The following SKAP2 variants were observed in gnomAD, a reference collection of about 807,000 sequenced individuals.
SKAP2 encodes src kinase associated phosphoprotein 2.
In SKAP2, 28 loss-of-function variants were observed where a neutral mutation model predicts 54.9. The ratio of observed to expected loss-of-function variants is 0.51; its 90% CI spans 0.38 to 0.70. The LOEUF is 0.70. Among genes scored for constraint, SKAP2 ranks in the 30% least tolerant of loss-of-function variants. The pLI is 0.00. For missense variants in SKAP2, 356 were observed against 424.1 expected (o/e 0.84, Z 1.41); for synonymous variants, 137 against 134.3 (o/e 1.02, Z -0.14).
Position 26,687,564 on chromosome 7 carries a change from T to A in SKAP2, c.875-2716A>T, listed in dbSNP as rs1349123305. ...AAAAAAAACCCTGGCAGTATATGTT[T>A]ATTAGCCTTAGTCTCAGGGAAGTAA... On this transcript the variant is annotated intron_variant, in intron 10 of 12. Coordinates refer to ENST00000345317, the MANE Select transcript of SKAP2 (RefSeq NM_003930.5). Among the ~76,000 whole-genome samples the A allele has an allele frequency of 2.6e-5, 4 of 152,194 alleles. No homozygotes were observed. The East Asian group carries it at 7.8e-4, about 30-fold the overall frequency.
intron 4 of SKAP2, among the ~76,000 whole-genome samples, chr7:26,770,035 G>A (rs1783150902): frequency 6.6e-6 from 1 of 151,676 alleles, no homozygotes; most frequent in African/African-American, 2.4e-5. Flanking sequence ...ATTTAAGTCT[G>A]CTGAAGCTGT....
At chr7:26,856,506 T>A (rs544282576) in intron 1 of SKAP2, among the ~76,000 whole-genome samples, 10 of 152,204 alleles carry the variant, frequency 6.6e-5, no homozygotes, top group Non-Finnish European at 8.8e-5. Context: ...CAGTGCAAAT[T>A]AGACACAGAC....
intron 4 of SKAP2, among the ~76,000 whole-genome samples, chr7:26,747,098 CAAT>C (rs1278842850): frequency 1.3e-5 from 2 of 152,204 alleles, no homozygotes; most frequent in South Asian, 4.1e-4. Flanking sequence ...GCACCTCAAA[CAAT>C]AATCACTGCC....
chr7:26,788,178 T>C lies in SKAP2; in HGVS notation c.308-48214A>G, dbSNP rs894621215. ...AAAATGGGTTTGAATAGTTATAAAA[T>C]ACATTGAAGATGTTTTATTAGACTT... On this transcript the variant is annotated intron_variant, in intron 4 of 12. Coordinates refer to ENST00000345317, the MANE Select transcript of SKAP2 (RefSeq NM_003930.5). 3.9e-5 allele frequency among the ~76,000 whole-genome samples: 6 copies of C among 152,342 alleles called. 1 individual carries two copies. The highest frequency in any genetic ancestry group is 1.9e-4 in the East Asian group (1 of 5,190).
At chr7:26,792,929 G>C (rs2127982069) in intron 4 of SKAP2, among the ~76,000 whole-genome samples, 1 of 152,310 alleles carries the variant, frequency 6.6e-6, no homozygotes, top group African/African-American at 2.4e-5. Context: ...CTTAAAGTTA[G>C]ATATTAATCA....
chr7:26,782,661 A>G (rs1209798946), intron 4 of SKAP2, among the ~76,000 whole-genome samples: 2 of 152,156 alleles, frequency 1.3e-5, no homozygotes, highest in South Asian at 2.1e-4. Context: ...ATTGCACTCT[A>G]GCCTGGGCAA....
At chr7:26,831,739 A>G (rs1323704044) in intron 4 of SKAP2, among the ~76,000 whole-genome samples, 1 of 152,150 alleles carries the variant, frequency 6.6e-6, no homozygotes, top group Non-Finnish European at 1.5e-5. Context: ...GAGACAGGCA[A>G]TGAAGTATTT....
chr7:26,795,417 TA>T (rs1455891648), intron 4 of SKAP2, among the ~76,000 whole-genome samples: 7 of 152,362 alleles, frequency 4.6e-5, no homozygotes, highest in African/African-American at 1.7e-4. Context: ...AATCTTATCG[TA>T]GATCATAGGA....
At chr7:26,860,285 T>G (rs757076362) in intron 1 of SKAP2, among the ~76,000 whole-genome samples, 2 of 152,144 alleles carry the variant, frequency 1.3e-5, no homozygotes, top group Non-Finnish European at 2.9e-5. Flanking sequence ...ATACTTAAAA[T>G]AGGCAAATAA....
chr7:26,847,621 T>A lies in SKAP2; in HGVS notation c.200-3484A>T, dbSNP rs531394370. 2.6e-5 allele frequency among the ~76,000 whole-genome samples: 4 copies of A among 152,288 alleles called. No individual in the cohort carries two copies. In the South Asian group the frequency reaches 6.2e-4, roughly 24 times the overall value. ...ACATAAGTGAAAGCATTACAGCTAA[T>A]CACACATCTAAAGAAAAGCACACTC... is the stretch of plus-strand genomic sequence containing the variant. On this transcript the variant is annotated intron_variant, in intron 3 of 12. Coordinates refer to ENST00000345317, the MANE Select transcript of SKAP2 (RefSeq NM_003930.5).
At chr7:26,686,527 G>A (rs1474888945) in intron 10 of SKAP2, among the ~76,000 whole-genome samples, 1 of 152,038 alleles carries the variant, frequency 6.6e-6, no homozygotes, top group Non-Finnish European at 1.5e-5. Flanking sequence ...CATATATTAA[G>A]TAAATTATAA....
intron 1 of SKAP2, among the ~76,000 whole-genome samples, chr7:26,860,488 GGCAGGCTTGTTCTT>G (rs1321509374): frequency 4.6e-5 from 7 of 151,952 alleles, no homozygotes; most frequent in Admixed American, 4.6e-4. Context: ...GCCCAAATGG[GGCAGGCTTGTTCTT>G]GCTCCATAGG....
intron 3 of SKAP2, among the ~76,000 whole-genome samples, chr7:26,844,458 A>G (rs919764401): frequency 2.6e-5 from 4 of 152,044 alleles, no homozygotes; most frequent in Admixed American, 6.6e-5. Flanking sequence ...GGTAAAACAG[A>G]GTGTATATCC....
intron 4 of SKAP2, among the ~76,000 whole-genome samples, chr7:26,813,642 T>C (rs1387473232): frequency 2.0e-5 from 3 of 152,146 alleles, no homozygotes; most frequent in African/African-American, 7.2e-5. Flanking sequence ...GCCACAAACT[T>C]AGAAACAGTC....
chr7:26,786,783 C>T (rs1187508627), intron 4 of SKAP2, among the ~76,000 whole-genome samples: 1 of 151,992 alleles, frequency 6.6e-6, no homozygotes, highest in Non-Finnish European at 1.5e-5. Context: ...TCTAGAATAT[C>T]TTTTTTTTCT....
At chr7:26,666,320 G>A (rs1157683560), downstream of SKAP2, among the ~76,000 whole-genome samples, 2 of 152,194 alleles carry the variant, frequency 1.3e-5, no homozygotes, top group South Asian at 2.1e-4. Flanking sequence ...TCTTCTAATG[G>A]CTGAACTGCA....
chr7:26,764,168 A>G (rs1782993721), intron 4 of SKAP2, among the ~76,000 whole-genome samples: 1 of 152,212 alleles, frequency 6.6e-6, no homozygotes, highest in Admixed American at 6.5e-5. Flanking sequence ...TAGTCTGCAA[A>G]CGTGACTTGA....
chr7:26,704,863 C>A (rs1166446743), intron 9 of SKAP2, among the ~76,000 whole-genome samples: 2 of 152,186 alleles, frequency 1.3e-5, no homozygotes, highest in African/African-American at 2.4e-5. Flanking sequence ...TCAGTTTTGG[C>A]CCCCTAAAGG....
At position 26,808,161 on chromosome 7, in the gene SKAP2, G is replaced by C. The variant is rs535964394; in HGVS notation, c.307+35869C>G. Among the ~76,000 whole-genome samples, 70 of 152,218 alleles carry C rather than the reference G, an allele frequency of 4.6e-4. 1 individual carries two copies. In the South Asian group the frequency reaches 0.014, roughly 31 times the overall value. On this transcript the variant is annotated intron_variant, in intron 4 of 12. Coordinates refer to ENST00000345317, the MANE Select transcript of SKAP2 (RefSeq NM_003930.5). ...ATTAATACATCTGTATAGGGCTGTG[G>C]TCAAAAGTGTAGGCTCTGCAGTATT...
Sources: allele counts gnomAD v4.1 joint callset (sites outside exome capture counted in the v4.1 genomes callset), GRCh38; gene constraint gnomAD v4.1.1; transcripts MANE v1.5; gene names NCBI Gene and HGNC (gene_info 2026-07-23, HGNC 2026-07-21).